The following CTNNA1 variants were observed in gnomAD, a reference collection of about 807,000 sequenced individuals.
CTNNA1 encodes catenin alpha 1.
Under a neutral mutation model 98.4 loss-of-function variants are expected in CTNNA1, and 37 were observed. That is an observed-to-expected ratio of 0.38 (90% CI 0.29 to 0.49). The LOEUF (loss-of-function observed/expected upper bound fraction) is 0.49. CTNNA1 is among the 20% of genes least tolerant of loss of function. CTNNA1 has a pLI of 0.95. For synonymous variants in CTNNA1, 404 were observed against 413.2 expected (o/e 0.98, Z 0.27); for missense variants, 761 against 1,147.2 (o/e 0.66, Z 4.86).
intron 10 of CTNNA1, among the ~76,000 whole-genome samples, chr5:138,906,371 C>G (rs960106316): frequency 1.3e-5 from 2 of 152,120 alleles, no homozygotes; most frequent in Admixed American, 1.3e-4. Flanking sequence ...AATTTGGATT[C>G]TTTCTTCAAG....
intron 7 of CTNNA1, among the ~76,000 whole-genome samples, chr5:138,877,001 G>A (rs1029717664): frequency 3.3e-5 from 5 of 152,212 alleles, no homozygotes; most frequent in African/African-American, 7.2e-5. Context: ...CACCTGTGAA[G>A]GGACAGAGGA....
intron 7 of CTNNA1, among the ~76,000 whole-genome samples, chr5:138,831,305 C>T (rs1008238684): frequency 3.9e-5 from 6 of 152,156 alleles, no homozygotes; most frequent in Admixed American, 2.6e-4. Flanking sequence ...TACCCCAGAC[C>T]AATTAAGTCA....
intron 7 of CTNNA1, among the ~76,000 whole-genome samples, chr5:138,856,556 G>A (rs1390352261): frequency 6.6e-6 from 1 of 152,072 alleles, no homozygotes; most frequent in Non-Finnish European, 1.5e-5. Context: ...TGCCCAGGCT[G>A]GTCTCAAACT....
intron 11 of CTNNA1, among the ~76,000 whole-genome samples, chr5:138,923,364 CTT>C (rs1580845192): frequency 6.6e-6 from 1 of 152,130 alleles, no homozygotes; most frequent in African/African-American, 2.4e-5. Context: ...TATGTTTACT[CTT>C]TTCATTAGTT....
At chr5:138,830,046 A>G (rs1761110278) in intron 7 of CTNNA1, among the ~76,000 whole-genome samples, 1 of 152,146 alleles carries the variant, frequency 6.6e-6, no homozygotes, top group African/African-American at 2.4e-5. Context: ...GGGCGCCTGT[A>G]GTCCCAGCTG....
Position 138,838,932 on chromosome 5 carries a change from A to G in CTNNA1, c.1062+11214A>G, listed in dbSNP as rs10479193. 9.4e-3 allele frequency among the ~76,000 whole-genome samples: 1,415 copies of G among 150,986 alleles called. 23 individuals carry two copies. The highest frequency in any genetic ancestry group is 0.033 in the African/African-American group (1,366 of 41,132). ...AGGCGTGAGCTACCGTGCCCGGCCT[A>G]TATTTTCATTTTTGTTCAGTTCAAG... On this transcript the variant is annotated intron_variant, in intron 7 of 17. Transcript: ENST00000302763.
At chr5:138,868,161 A>C (rs1764981062) in intron 7 of CTNNA1, among the ~76,000 whole-genome samples, 1 of 152,248 alleles carries the variant, frequency 6.6e-6, no homozygotes, top group African/African-American at 2.4e-5. Flanking sequence ...GGTATTAAAT[A>C]TGTGTTATCT....
At position 138,874,087 on chromosome 5, in the gene CTNNA1, C is replaced by T. The variant is rs770417102; in HGVS notation, c.1063-12125C>T. 1 of 1,613,864 alleles carries T rather than the reference C, an allele frequency of 6.2e-7. No homozygotes were observed. The highest frequency in any genetic ancestry group is 1.1e-5 in the South Asian group (1 of 91,072). On this transcript the variant is annotated intron_variant, in intron 7 of 17. Transcript: ENST00000302763. The surrounding 1 kb of genome is among the most constrained non-coding windows in gnomAD (Gnocchi z 4.1). Reference sequence around the variant, plus strand: ...TGGAACGTAAATGCAAGGTCTGCAGCTTCCGAAGGCCATAGAAGAGCTCTG... The same window carrying T: ...TGGAACGTAAATGCAAGGTCTGCAGTTTCCGAAGGCCATAGAAGAGCTCTG...
chr5:138,887,219 T>G (rs1754267866), intron 8 of CTNNA1, among the ~76,000 whole-genome samples: 1 of 152,168 alleles, frequency 6.6e-6, no homozygotes, highest in South Asian at 2.1e-4. Flanking sequence ...GCCCTAGTTT[T>G]GTAATTCCCA....
At chr5:138,778,133 A>C (rs1217888292) in intron 1 of CTNNA1, among the ~76,000 whole-genome samples, 1 of 148,026 alleles carries the variant, frequency 6.8e-6, no homozygotes, top group Non-Finnish European at 1.5e-5. Context: ...AGCTGGGACT[A>C]CAGGCGACCG....
At chr5:138,913,231 C>T (rs1240112148) in intron 10 of CTNNA1, among the ~76,000 whole-genome samples, 3 of 151,330 alleles carry the variant, frequency 2.0e-5, no homozygotes, top group African/African-American at 7.3e-5. Flanking sequence ...GTTTTTTTTC[C>T]TGGCATATAG....
chr5:138,827,502 A>G lies in CTNNA1; in HGVS notation c.859-13A>G. The G allele has an allele frequency of 6.2e-7, 1 of 1,613,772 alleles. No individual in the cohort carries two copies. Among genetic ancestry groups the G allele is most frequent in the Non-Finnish European group, 8.5e-7 (1 of 1,179,682 alleles). On this transcript the variant is annotated splice_polypyrimidine_tract_variant and intron_variant, in intron 6 of 17. Transcript: ENST00000302763. ...GAGATGAGTACTAACATTCGGTAATACTTTCTCTGCAGAAACAAATCATTG... is the reference window on the plus strand; with the variant it reads ...GAGATGAGTACTAACATTCGGTAATGCTTTCTCTGCAGAAACAAATCATTG...
intron 10 of CTNNA1, among the ~76,000 whole-genome samples, chr5:138,908,686 C>G (rs1759839765): frequency 6.6e-6 from 1 of 152,028 alleles, no homozygotes; most frequent in East Asian, 1.9e-4. Context: ...AATATAACAT[C>G]AAGTTGAGGA....
chr5:138,800,836 G>T (rs1757502009), intron 3 of CTNNA1, among the ~76,000 whole-genome samples: 1 of 152,084 alleles, frequency 6.6e-6, no homozygotes, highest in South Asian at 2.1e-4. Context: ...GGTGGGCACG[G>T]TGGCTCATGC....
At chr5:138,811,786 C>T (rs531064822) in intron 4 of CTNNA1, among the ~76,000 whole-genome samples, 40 of 152,266 alleles carry the variant, frequency 2.6e-4, no homozygotes, top group Middle Eastern at 3.4e-3. Context: ...GGCGTGGCAG[C>T]GCACGCCTGC....
intron 1 of CTNNA1, among the ~76,000 whole-genome samples, chr5:138,760,499 G>A (rs529143327): frequency 1.8e-3 from 267 of 151,712 alleles, no homozygotes; most frequent in African/African-American, 6.2e-3. Flanking sequence ...TGAGTAGCTG[G>A]GATTACAGGT....
chr5:138,828,601 T>G (rs1442909670), intron 7 of CTNNA1, among the ~76,000 whole-genome samples: 1 of 152,200 alleles, frequency 6.6e-6, no homozygotes, highest in African/African-American at 2.4e-5. Flanking sequence ...ACAACACAAA[T>G]TAGTTGTCAT....
intron 1 of CTNNA1, among the ~76,000 whole-genome samples, chr5:138,764,474 CT>C (rs897941568): frequency 9.3e-5 from 14 of 150,252 alleles, no homozygotes; most frequent in African/African-American, 3.4e-4. Flanking sequence ...CAACTTTTTT[CT>C]TTTTTTTTAA....
chr5:138,845,146 T>C (rs1161910127), intron 7 of CTNNA1, among the ~76,000 whole-genome samples: 2 of 152,220 alleles, frequency 1.3e-5, no homozygotes, highest in African/African-American at 4.8e-5. Flanking sequence ...AAATCTTAGA[T>C]TGGCAACTTT....
Sources: allele counts gnomAD v4.1 joint callset (sites outside exome capture counted in the v4.1 genomes callset), GRCh38; gene constraint gnomAD v4.1.1; non-coding constraint Gnocchi (gnomAD v3.1); transcripts MANE v1.5; gene names NCBI Gene and HGNC (gene_info 2026-07-23, HGNC 2026-07-21).